The following P4HA2 variants were observed in gnomAD, a reference collection of about 807,000 sequenced individuals.
The protein encoded by P4HA2 is prolyl 4-hydroxylase subunit alpha 2.
A neutral mutation model predicts 76.9 loss-of-function variants in P4HA2; 46 were observed. That is an observed-to-expected ratio of 0.60 (90% CI 0.47 to 0.76). The LOEUF (loss-of-function observed/expected upper bound fraction) is 0.76, where lower values mean the gene tolerates loss of function less well. Ranked by LOEUF, P4HA2 falls within the 30% of genes least tolerant of loss-of-function variation. The pLI, the probability that P4HA2 is intolerant of heterozygous loss-of-function variation, is 0.00. For missense variants in P4HA2, 583 were observed against 669.4 expected, an observed-to-expected ratio of 0.87 and a Z score of 1.42; for synonymous variants, 243 against 254.0, an observed-to-expected ratio of 0.96 and a Z score of 0.41.
intron 10 of P4HA2, chr5:132,202,156 A>G (rs913328706): frequency 3.9e-5 from 6 of 152,212 alleles, no homozygotes; most frequent in Non-Finnish European, 4.4e-5. Context: ...TCCTCCATGG[A>G]TGTGCTTATC....
At chr5:132,210,228 T>C in intron 6 of P4HA2, 56 bp downstream of exon 6, 10 of 1,595,426 alleles carry the variant, frequency 6.3e-6, no homozygotes, top group Non-Finnish European at 8.6e-6. Context: ...GCCAGCACAG[T>C]GCAGTTCCTC....
intron 1 of P4HA2, among the ~76,000 whole-genome samples, chr5:132,225,421 G>A (rs1755238028): frequency 6.6e-6 from 1 of 152,166 alleles, no homozygotes; most frequent in Admixed American, 6.5e-5. Context: ...CCAAGGATGT[G>A]GGAGGGCAGA....
In P4HA2 at chr5:132,191,437, G is replaced by A. The variant is rs545204769; in HGVS notation, c.*1573C>T. On this transcript the variant is annotated 3_prime_UTR_variant, in exon 15 of 15. Transcript: ENST00000360568. The stretch of plus-strand genomic sequence containing the variant: ...TGAGGCAGGAGAATGGCGTGAACCC[G>A]GGAGGCGGAGCTTGCAGTGAGCCGA... Among the ~76,000 whole-genome samples, 2 of 149,566 alleles carry A rather than the reference G, an allele frequency of 1.3e-5. No individual in the cohort carries two copies. Among genetic ancestry groups the A allele is most frequent in the South Asian group, 2.1e-4 (1 of 4,674 alleles).
intron 1 of P4HA2, among the ~76,000 whole-genome samples, chr5:132,219,723 A>C (rs1170303411): frequency 6.6e-6 from 1 of 152,202 alleles, no homozygotes; most frequent in Admixed American, 6.5e-5. Flanking sequence ...TCCCAAAAAA[A>C]CATAAGCCTT....
At chr5:132,215,454 G>A (rs1050324666) in intron 4 of P4HA2, among the ~76,000 whole-genome samples, 1 of 152,230 alleles carries the variant, frequency 6.6e-6, no homozygotes, top group African/African-American at 2.4e-5. Context: ...CCTGTCCCGA[G>A]CTGCAGGCCC....
At chr5:132,196,860 CAAAAAAAAA>C (rs34410092) in intron 12 of P4HA2, among the ~76,000 whole-genome samples, 1 of 100,036 alleles carries the variant, frequency 1.0e-5, no homozygotes, top group Non-Finnish European at 1.9e-5. Flanking sequence ...GAGTCTGTCT[CAAAAAAAAA>C]AAAAAAAAAA....
At position 132,203,761 on chromosome 5, in the gene P4HA2, G is replaced by T. The variant is rs746767358; in HGVS notation, c.1238C>A (p.Ala413Glu). The stretch of plus-strand genomic sequence containing the variant: ...TACTATCTGTACCTGTAACAATTCT[G>T]CAGTCTTTACTGTTAACCCTGTGAT... Reference protein sequence around the residue: ...QHITGLTVKTAELLQVANYGV... With the variant: ...QHITGLTVKTEELLQVANYGV... The change falls in exon 10 of 15, where the codon GCA becomes GAA. Residue 413 changes from alanine (A) to glutamate (E), a missense_variant. Coordinates refer to ENST00000360568, the MANE Select transcript of P4HA2 (RefSeq NM_001017974.2). 1.2e-5 allele frequency: 20 copies of T among 1,601,496 alleles called. No individual in the cohort carries two copies. Among genetic ancestry groups the T allele is most frequent in the Non-Finnish European group, 1.7e-5 (20 of 1,168,424 alleles).
chr5:132,195,709 G>T, intron 12 of P4HA2: 1 of 577,402 alleles, frequency 1.7e-6, no homozygotes. Context: ...AAGAGTTGAG[G>T]CCCACAGGAG....
intron 8 of P4HA2, among the ~76,000 whole-genome samples, chr5:132,204,996 C>T (rs745482891): frequency 6.6e-6 from 1 of 152,238 alleles, no homozygotes; most frequent in African/African-American, 2.4e-5. Context: ...GGGCCATAGG[C>T]CCAGGTACTC....
At chr5:132,221,378 C>T (rs1293291747) in intron 1 of P4HA2, among the ~76,000 whole-genome samples, 1 of 152,202 alleles carries the variant, frequency 6.6e-6, no homozygotes, top group African/African-American at 2.4e-5. Flanking sequence ...ATGTCTGTCC[C>T]ATACCAGGAA....
intron 4 of P4HA2, 39 bp downstream of exon 4, chr5:132,217,158 C>T: frequency 6.3e-7 from 1 of 1,597,498 alleles, no homozygotes; most frequent in Non-Finnish European, 8.6e-7. Context: ...AGCACACAAA[C>T]ATATGGGCTC....
At chr5:132,195,066 T>G in intron 13 of P4HA2, 44 bp from the exon 14 acceptor site, 1 of 1,311,976 alleles carries the variant, frequency 7.6e-7, no homozygotes, top group Non-Finnish European at 1.1e-6. Flanking sequence ...TAAGAGACTG[T>G]GCTCAGGGAC....
intron 13 of P4HA2, 57 bp from the exon 14 acceptor site, chr5:132,195,079 G>T: frequency 8.6e-7 from 1 of 1,157,184 alleles, no homozygotes; most frequent in Non-Finnish European, 1.3e-6. Context: ...TCAGGGACCT[G>T]ACTGCAAGCA....
intron 2 of P4HA2, 111 bp downstream of exon 2, chr5:132,218,434 A>C: frequency 1.4e-6 from 1 of 711,312 alleles, no homozygotes; most frequent in South Asian, 1.8e-5. Context: ...AGAACTGGCC[A>C]AAACCAGTAG....
intron 1 of P4HA2, among the ~76,000 whole-genome samples, chr5:132,224,039 C>T (rs754980436): frequency 3.9e-5 from 6 of 152,344 alleles, no homozygotes; most frequent in South Asian, 2.1e-4. Flanking sequence ...GTCCATGACA[C>T]GCCTGGCTGG....
At chr5:132,203,931 C>G (rs889102120) in intron 9 of P4HA2, 84 bp from the exon 10 acceptor site, 39 of 1,211,206 alleles carry the variant, frequency 3.2e-5, no homozygotes, top group Non-Finnish European at 4.1e-5. Flanking sequence ...AGAGTCAGGG[C>G]CAGCATGAAC....
At chr5:132,197,751 C>A (rs152048) in intron 12 of P4HA2, among the ~76,000 whole-genome samples, 1 of 151,758 alleles carries the variant, frequency 6.6e-6, no homozygotes, top group Non-Finnish European at 1.5e-5. Flanking sequence ...ACCAAAATCA[C>A]AGCGACAGAA....
At chr5:132,213,369 T>C (rs1753362718) in intron 5 of P4HA2, among the ~76,000 whole-genome samples, 1 of 151,444 alleles carries the variant, frequency 6.6e-6, no homozygotes, top group African/African-American at 2.4e-5. Flanking sequence ...TCCAGTAGCC[T>C]AACCAGGAGG....
chr5:132,224,182 G>A (rs1391459058), intron 1 of P4HA2, among the ~76,000 whole-genome samples: 2 of 152,230 alleles, frequency 1.3e-5, no homozygotes, highest in African/African-American at 4.8e-5. Flanking sequence ...CTCAGGGCAA[G>A]GCAGTACAGT....
Sources: gnomAD v4.1 joint callset for allele counts (sites outside exome capture counted in the v4.1 genomes callset) on GRCh38, gnomAD v4.1.1 for gene constraint, MANE v1.5 for transcripts, NCBI Gene and HGNC (gene_info 2026-07-23, HGNC 2026-07-21) for gene names.